The following FRMD3 variants were observed in gnomAD, a reference collection of about 807,000 sequenced individuals.
FRMD3 encodes the protein FERM domain-containing protein 3.
In FRMD3, 33 loss-of-function variants were observed where a neutral mutation model predicts 70.2. That is an observed-to-expected ratio of 0.47 (90% CI 0.36 to 0.63). The LOEUF is 0.63. Among genes scored for constraint, FRMD3 ranks in the 20% least tolerant of loss-of-function variants. The probability of loss-of-function intolerance (pLI) is 0.00; values close to 1 mark genes in which losing one functional copy is unlikely to be tolerated. For missense variants in FRMD3, 632 were observed against 711.4 expected (o/e 0.89, Z 1.27); for synonymous variants, 279 against 255.9 (o/e 1.09, Z -0.86).
intron 5 of FRMD3, among the ~76,000 whole-genome samples, chr9:83,338,108 A>T (rs1026194330): frequency 6.6e-6 from 1 of 152,228 alleles, no homozygotes; most frequent in Non-Finnish European, 1.5e-5. Context: ...AAGGATAATG[A>T]ACAGACAATT....
chr9:83,511,027 A>G (rs921163951), intron 1 of FRMD3, among the ~76,000 whole-genome samples: 5 of 152,172 alleles, frequency 3.3e-5, no homozygotes, highest in Non-Finnish European at 7.4e-5. Context: ...TTAGATCCCA[A>G]TAAAGCTGTT....
rs1438954144 is a variant in FRMD3, at chr9:83,290,549, T to A, written c.1195+54A>T. 11 of 1,610,976 alleles carry A rather than the reference T, an allele frequency of 6.8e-6. No individual in the cohort carries two copies. The East Asian group carries it at 2.0e-4, about 29-fold the overall frequency. ...TATGCAGAATTGGCGCCTCCCTTGT[T>A]TTTTCCAGAGGAAGCCTGCAGCACC... On this transcript the variant is annotated intron_variant, in intron 13 of 13. Transcript: ENST00000304195.
intron 1 of FRMD3, among the ~76,000 whole-genome samples, chr9:83,453,522 A>G (rs1827727480): frequency 6.6e-6 from 1 of 152,194 alleles, no homozygotes. Flanking sequence ...ATACAGATAA[A>G]GTATTTCTAA....
chr9:83,539,788 A>C (rs1829977311), upstream of FRMD3, among the ~76,000 whole-genome samples: 1 of 152,196 alleles, frequency 6.6e-6, no homozygotes, highest in African/African-American at 2.4e-5. Flanking sequence ...TGCTCCTGGA[A>C]ATTCCAAATT....
chr9:83,521,633 A>G (rs1165895277), intron 1 of FRMD3, among the ~76,000 whole-genome samples: 3 of 152,172 alleles, frequency 2.0e-5, no homozygotes, highest in Non-Finnish European at 2.9e-5. Context: ...CCATGACTCA[A>G]TGGAGGAGTT....
the FRMD3 span, among the ~76,000 whole-genome samples, chr9:83,562,445 T>C: frequency 1.3e-5 from 2 of 152,194 alleles, no homozygotes; most frequent in East Asian, 1.9e-4. Context: ...AGCTTACCAC[T>C]GGGAGATGAT....
intron 4 of FRMD3, among the ~76,000 whole-genome samples, chr9:83,343,602 G>A (rs548369066): frequency 8.7e-4 from 133 of 152,242 alleles, no homozygotes; most frequent in African/African-American, 3.0e-3. Context: ...AGCAGCTCCC[G>A]CACGAGGACA....
chr9:83,513,697 G>A (rs971466660), intron 1 of FRMD3, among the ~76,000 whole-genome samples: 9 of 152,048 alleles, frequency 5.9e-5, no homozygotes, highest in African/African-American at 1.7e-4. Context: ...GAACAGCTCC[G>A]GTCTGCAGCT....
In FRMD3 at chr9:83,500,502, G is replaced by GCACACACA. The variant is rs3084172; in HGVS notation, c.147+37575_147+37582dup. On this transcript the variant is annotated intron_variant, in intron 1 of 13. Coordinates refer to ENST00000304195, the MANE Select transcript of FRMD3 (RefSeq NM_174938.6). ...CATAGAGTGCTTGGCGTGTATGCGC[G>GCACACACA]CACACACACACACACACACACACAC... 7.2e-4 allele frequency among the ~76,000 whole-genome samples: 103 copies of GCACACACA among 143,814 alleles called. 1 individual carries two copies. Among genetic ancestry groups the GCACACACA allele is most frequent in the African/African-American group, 2.0e-3 (77 of 39,114 alleles). 94.3% of individuals were successfully genotyped at this position (143,814 alleles called of 152,430 possible).
At chr9:83,457,390 T>C (rs4507851) in intron 1 of FRMD3, among the ~76,000 whole-genome samples, 9,328 of 152,138 alleles carry the variant, frequency 0.061, 388 homozygotes, top group East Asian at 0.16. Context: ...AAGAAAGTGG[T>C]TCTTCTCAAT....
At chr9:83,408,221 C>T (rs561172710) in intron 1 of FRMD3, among the ~76,000 whole-genome samples, 1 of 152,290 alleles carries the variant, frequency 6.6e-6, no homozygotes, top group East Asian at 1.9e-4. Context: ...TTTAATGTGC[C>T]ACAGGGGAAT....
At chr9:83,244,132 CTCA>C (rs1387381643), downstream of FRMD3, among the ~76,000 whole-genome samples, 28 of 60,672 alleles carry the variant, frequency 4.6e-4, no homozygotes, top group African/African-American at 1.1e-3. Flanking sequence ...CCATCATCAT[CTCA>C]AAAAAAAAAA....
At chr9:83,572,811 G>C in the FRMD3 span, among the ~76,000 whole-genome samples, 3 of 152,270 alleles carry the variant, frequency 2.0e-5, no homozygotes, top group South Asian at 6.2e-4. Flanking sequence ...CCAGAGATTT[G>C]GCTTGTTGAC....
intron 6 of FRMD3, among the ~76,000 whole-genome samples, chr9:83,332,197 A>G (rs991551167): frequency 6.6e-6 from 1 of 152,208 alleles, no homozygotes; most frequent in Non-Finnish European, 1.5e-5. Context: ...ACATGCTACT[A>G]TATTTGCAAG....
At chr9:83,287,406 T>C (rs1321957795) in intron 13 of FRMD3, among the ~76,000 whole-genome samples, 3 of 152,188 alleles carry the variant, frequency 2.0e-5, no homozygotes, top group Non-Finnish European at 2.9e-5. Flanking sequence ...GCTCCAGCCA[T>C]ATCTGCCTCT....
At chr9:83,472,021 C>A (rs1828281021) in intron 1 of FRMD3, among the ~76,000 whole-genome samples, 3 of 152,200 alleles carry the variant, frequency 2.0e-5, no homozygotes, top group African/African-American at 7.2e-5. Context: ...ATAGTGACAA[C>A]ACAGAGCAAG....
chr9:83,331,849 T>G, intron 6 of FRMD3: 1 of 717,496 alleles, frequency 1.4e-6, no homozygotes, highest in Non-Finnish European at 2.6e-6. Flanking sequence ...CAGCTCCTAT[T>G]ACCTTCTGAA....
chr9:83,512,044 C>T (rs925816412), intron 1 of FRMD3, among the ~76,000 whole-genome samples: 9 of 152,058 alleles, frequency 5.9e-5, no homozygotes, highest in Admixed American at 1.3e-4. Flanking sequence ...GCTATGTGAC[C>T]GAAGACAGGG....
intron 13 of FRMD3, among the ~76,000 whole-genome samples, chr9:83,278,740 C>A (rs1333545717): frequency 6.6e-6 from 1 of 152,140 alleles, no homozygotes. Flanking sequence ...CCCGGTCTAG[C>A]CCCAGAGACA....
Sources: allele counts gnomAD v4.1 joint callset (sites outside exome capture counted in the v4.1 genomes callset), GRCh38; gene constraint gnomAD v4.1.1; transcripts MANE v1.5; gene names NCBI Gene and HGNC (gene_info 2026-07-23, HGNC 2026-07-21).